Variants in ABHD2 observed in about 807,000 individuals in gnomAD.
ABHD2 encodes monoacylglycerol lipase ABHD2.
ABHD2 carries 20 observed loss-of-function variants against 48.1 expected under a neutral mutation model. The observed-to-expected ratio is 0.42, with a 90% CI of 0.29 to 0.60. The LOEUF is 0.60. Among genes scored for constraint, ABHD2 ranks in the 20% least tolerant of loss-of-function variants. ABHD2 has a pLI of 0.24. For synonymous variants in ABHD2, 209 were observed against 214.2 expected (o/e 0.98, Z 0.21); for missense variants, 405 against 550.9 (o/e 0.74, Z 2.65).
chr15:89,132,249 C>T (rs1385567048), intron 3 of ABHD2, among the ~76,000 whole-genome samples: 2 of 152,162 alleles, frequency 1.3e-5, no homozygotes, highest in African/African-American at 4.8e-5. Context: ...GTTGGACACT[C>T]AGTTTCTGTC....
intron 3 of ABHD2, among the ~76,000 whole-genome samples, chr15:89,130,083 T>C (rs2050195610): frequency 1.3e-5 from 2 of 152,212 alleles, no homozygotes; most frequent in Admixed American, 1.3e-4. Context: ...CAATGAAGCC[T>C]TAAAACATGA....
intron 1 of ABHD2, among the ~76,000 whole-genome samples, chr15:89,096,048 C>T (rs1331507704): frequency 2.0e-5 from 3 of 152,184 alleles, no homozygotes; most frequent in Admixed American, 6.5e-5. Flanking sequence ...TACCACACAG[C>T]ACTGTGTAAA....
intron 6 of ABHD2, chr15:89,183,394 T>A (rs1481273325): frequency 1.2e-4 from 11 of 94,906 alleles, no homozygotes; most frequent in South Asian, 3.0e-4. Flanking sequence ...AATATATATA[T>A]ATATATATAT....
intron 8 of ABHD2, 49 bp from the exon 9 acceptor site, chr15:89,191,031 G>A (rs371513832): frequency 1.3e-6 from 2 of 1,588,572 alleles, no homozygotes; most frequent in Admixed American, 3.3e-5. Context: ...TGATCTTAAA[G>A]ACCAATGTTT....
intron 6 of ABHD2, among the ~76,000 whole-genome samples, chr15:89,180,794 G>T (rs1186431019): frequency 6.6e-6 from 1 of 152,150 alleles, no homozygotes; most frequent in Admixed American, 6.5e-5. Context: ...CTCTTACAGT[G>T]CCCAAATTAG....
In ABHD2 at chr15:89,177,277, C is replaced by T. The variant is rs1284754598; in HGVS notation, c.722+1282C>T. On this transcript the variant is annotated intron_variant, in intron 6 of 10. Transcript: ENST00000352732. This position sits in a 1 kb window ranked among gnomAD's most constrained non-coding sequence, Gnocchi z 5.6. ...AGTGCTTAGAACAGTGCCCAGCACG[C>T]AGAACGTAAGCCACTGTTCATTTTC... Among the ~76,000 whole-genome samples, 1 of 152,196 alleles carries T rather than the reference C, an allele frequency of 6.6e-6. No homozygotes were observed. The highest frequency in any genetic ancestry group is 1.5e-5 in the Non-Finnish European group (1 of 68,036).
chr15:89,200,650 G>T lies in ABHD2; in HGVS notation c.*5227G>T. The T allele has an allele frequency of 5.4e-6, 1 of 185,070 alleles. No homozygotes were observed. Among genetic ancestry groups the T allele is most frequent in the Non-Finnish European group, 1.2e-5 (1 of 84,140 alleles). 11.5% of individuals were successfully genotyped at this position (185,070 alleles called of 1,614,324 possible). Reference sequence around the variant, plus strand: ...TCATTAAAGGCAAAGCCTGTATGACGCTGTACACACACAAAAAAATGGTCA... The same window carrying T: ...TCATTAAAGGCAAAGCCTGTATGACTCTGTACACACACAAAAAAATGGTCA... On this transcript the variant is annotated 3_prime_UTR_variant, in exon 11 of 11. Coordinates refer to ENST00000352732, the MANE Select transcript of ABHD2 (RefSeq NM_152924.5).
rs983312877 is a variant in ABHD2 at position 89,176,504 on chromosome 15, A to T, written c.722+509A>T. ...GTCTCTGTCAGGCATCCCAGGCATC[A>T]TCACAAAGGAGCTGATCTACTGGGT... On this transcript the variant is annotated intron_variant, in intron 6 of 10. Transcript: ENST00000352732. This position sits in a 1 kb window ranked among gnomAD's most constrained non-coding sequence, Gnocchi z 4.5. Among the ~76,000 whole-genome samples, 6 of 152,178 alleles carry T rather than the reference A, an allele frequency of 3.9e-5. No individual in the cohort carries two copies. In the East Asian group the frequency reaches 7.7e-4, roughly 20 times the overall value.
At chr15:89,077,456 G>A in the ABHD2 span, among the ~76,000 whole-genome samples, 70 of 152,230 alleles carry the variant, frequency 4.6e-4, no homozygotes, top group Admixed American at 7.2e-4. Flanking sequence ...GTTATTGTCC[G>A]TGTGTTTCTT....
At chr15:89,141,919 T>A (rs2050409466) in intron 3 of ABHD2, among the ~76,000 whole-genome samples, 1 of 152,236 alleles carries the variant, frequency 6.6e-6, no homozygotes, top group South Asian at 2.1e-4. Flanking sequence ...GATATATTTT[T>A]AAAGGTAGAG....
At chr15:89,125,873 A>G (rs1293705623) in intron 3 of ABHD2, among the ~76,000 whole-genome samples, 3 of 152,224 alleles carry the variant, frequency 2.0e-5, no homozygotes, top group Non-Finnish European at 4.4e-5. Context: ...TCTAACCTAG[A>G]TACAGATTGT....
intron 3 of ABHD2, among the ~76,000 whole-genome samples, chr15:89,141,077 T>A (rs1425930520): frequency 6.6e-6 from 1 of 151,964 alleles, no homozygotes; most frequent in African/African-American, 2.4e-5. Context: ...CAAGTGATCC[T>A]CTTAACTCAG....
the ABHD2 span, among the ~76,000 whole-genome samples, chr15:89,066,611 T>G: frequency 6.6e-6 from 1 of 152,124 alleles, no homozygotes; most frequent in East Asian, 1.9e-4. Flanking sequence ...CAAGGCATTC[T>G]CCTATCATAT....
At chr15:89,133,135 C>T (rs1357002319) in intron 3 of ABHD2, among the ~76,000 whole-genome samples, 1 of 152,196 alleles carries the variant, frequency 6.6e-6, no homozygotes, top group Non-Finnish European at 1.5e-5. Context: ...TTGTACCCTC[C>T]GTGTTGCCCT....
Position 89,201,737 on chromosome 15 carries a change from G to T in ABHD2, c.*6314G>T. The T allele has an allele frequency of 6.3e-7, 1 of 1,582,708 alleles. No individual in the cohort carries two copies. The highest frequency in any genetic ancestry group is 8.7e-7 in the Non-Finnish European group (1 of 1,151,684). ...CTGTGAAGGGGCCTTTGAATTTGAGGTCTATGGGCGGGTCGAGGACCAGGA... is the reference window on the plus strand; with the variant it reads ...CTGTGAAGGGGCCTTTGAATTTGAGTTCTATGGGCGGGTCGAGGACCAGGA... On this transcript the variant is annotated 3_prime_UTR_variant, in exon 11 of 11. Transcript: ENST00000352732.
intron 3 of ABHD2, among the ~76,000 whole-genome samples, chr15:89,123,345 A>G (rs1295138136): frequency 6.6e-6 from 1 of 152,110 alleles, no homozygotes; most frequent in Non-Finnish European, 1.5e-5. Context: ...ATCCAATTGG[A>G]ATGCTGTTCT....
chr15:89,070,546 T>A, the ABHD2 span, among the ~76,000 whole-genome samples: 1 of 152,164 alleles, frequency 6.6e-6, no homozygotes, highest in African/African-American at 2.4e-5. Context: ...GCCCTCCACA[T>A]ACCCCATGGG....
chr15:89,193,721 G>T (rs1343602936), intron 10 of ABHD2, among the ~76,000 whole-genome samples: 1 of 152,174 alleles, frequency 6.6e-6, no homozygotes, highest in Non-Finnish European at 1.5e-5. Flanking sequence ...AGGCTGCAAT[G>T]GGAGGATCGC....
At chr15:89,101,450 C>G (rs1400723266) in intron 1 of ABHD2, among the ~76,000 whole-genome samples, 1 of 152,164 alleles carries the variant, frequency 6.6e-6, no homozygotes, top group Admixed American at 6.5e-5. Flanking sequence ...ACCTCTCCGC[C>G]CAATGTAATA....
Sources: gnomAD v4.1 joint callset for allele counts (sites outside exome capture counted in the v4.1 genomes callset) on GRCh38, gnomAD v4.1.1 for gene constraint, Gnocchi (gnomAD v3.1) non-coding constraint, MANE v1.5 for transcripts, NCBI Gene and HGNC (gene_info 2026-07-23, HGNC 2026-07-21) for gene names.